Variants in MCM10 observed in about 807,000 individuals in gnomAD.
MCM10 encodes the protein minichromosome maintenance 10 replication initiation factor, also known as protein MCM10 homolog.
Under a neutral mutation model 109.9 loss-of-function variants are expected in MCM10, and 91 were observed. The ratio of observed to expected loss-of-function variants is 0.83; its 90% CI spans 0.70 to 0.99. The LOEUF (loss-of-function observed/expected upper bound fraction) is 0.99. Among genes scored for constraint, MCM10 ranks in the 50% least tolerant of loss-of-function variants. The pLI is 0.00. For synonymous variants in MCM10, 380 were observed against 387.2 expected (o/e 0.98, Z 0.22); for missense variants, 1,077 against 1,061.2 (o/e 1.01, Z -0.21).
chr10:13,192,115 C>A, intron 11 of MCM10, 140 bp from the exon 12 acceptor site: 1 of 602,884 alleles, frequency 1.7e-6, no homozygotes, highest in Admixed American at 3.0e-5. Flanking sequence ...GTTAAGGATT[C>A]TTTTCTTTCC....
At chr10:13,168,489 C>T (rs1370497889) in intron 2 of MCM10, among the ~76,000 whole-genome samples, 1 of 152,186 alleles carries the variant, frequency 6.6e-6, no homozygotes. Context: ...ACAAGCCCCT[C>T]ACCCTCTCAT....
chr10:13,180,583 G>A lies in MCM10; in HGVS notation c.906G>A (p.Lys302=). The change falls in exon 7 of 20, where the codon AAG becomes AAA. Residue 302 remains lysine, a synonymous_variant. Coordinates refer to ENST00000378714, the MANE Select transcript of MCM10 (RefSeq NM_018518.5). ...DWVTFGVILK[K]VTPQSVNSGK... ...TGACATTTGGGGTTATATTGAAGAA[G>A]GTTACGCCACAGAGTGTGAATAGTG... 1 of 1,614,124 alleles carries A rather than the reference G, an allele frequency of 6.2e-7. No homozygotes were observed. Among genetic ancestry groups the A allele is most frequent in the Non-Finnish European group, 8.5e-7 (1 of 1,180,024 alleles).
chr10:13,180,148 G>A (rs1834191452), intron 6 of MCM10, among the ~76,000 whole-genome samples: 1 of 152,082 alleles, frequency 6.6e-6, no homozygotes, highest in Non-Finnish European at 1.5e-5. Context: ...CTACTCAGGA[G>A]GCTGAGGCAG....
rs1313362819 is a variant in MCM10, at chr10:13,195,026, G to C, written c.1746-15G>C. 5 of 1,607,480 alleles carry C rather than the reference G, an allele frequency of 3.1e-6. No individual in the cohort carries two copies. Among genetic ancestry groups the C allele is most frequent in the East Asian group, 2.2e-5 (1 of 44,738 alleles). On this transcript the variant is annotated splice_polypyrimidine_tract_variant and intron_variant, in intron 13 of 19. Transcript: ENST00000378714. ...TAAACCCTGTTTGCGTATTTTGACT[G>C]TATGTTCTTTAAAGATTTCTGCAGA...
chr10:13,203,593 C>T (rs1384499395), intron 17 of MCM10, among the ~76,000 whole-genome samples: 2 of 152,120 alleles, frequency 1.3e-5, no homozygotes, highest in Non-Finnish European at 2.9e-5. Context: ...GTCCAAGTGT[C>T]GAGTTATTGA....
At chr10:13,202,202 TAAA>T (rs1490211714) in intron 17 of MCM10, among the ~76,000 whole-genome samples, 1 of 151,672 alleles carries the variant, frequency 6.6e-6, no homozygotes, top group Non-Finnish European at 1.5e-5. Flanking sequence ...CAACAAAAAA[TAAA>T]AAATTAGCCG....
intron 18 of MCM10, among the ~76,000 whole-genome samples, chr10:13,206,057 C>T (rs781260792): frequency 6.6e-6 from 1 of 152,202 alleles, no homozygotes; most frequent in Non-Finnish European, 1.5e-5. Flanking sequence ...CCTATCCCTT[C>T]GCACCATCCT....
intron 8 of MCM10, among the ~76,000 whole-genome samples, chr10:13,183,808 C>T (rs1358864094): frequency 6.6e-6 from 1 of 152,074 alleles, no homozygotes; most frequent in East Asian, 1.9e-4. Flanking sequence ...CTTCTGCCTC[C>T]TGAGTAGCTG....
intron 16 of MCM10, among the ~76,000 whole-genome samples, chr10:13,200,323 G>C (rs1254265347): frequency 6.6e-6 from 1 of 152,162 alleles, no homozygotes; most frequent in African/African-American, 2.4e-5. Context: ...CCTTGGTTGT[G>C]TCGGTGACTG....
At position 13,171,185 on chromosome 10, in the gene MCM10, C is replaced by T. The variant is rs746574568; in HGVS notation, c.271C>T (p.Pro91Ser). Reference sequence around the variant, plus strand: ...GGACTTAACAGATGAAGAAGAAGTTCCCGCATCACAGTCAACTGAAAATAG... The same window carrying T: ...GGACTTAACAGATGAAGAAGAAGTTTCCGCATCACAGTCAACTGAAAATAG... ...MEDLTDEEEV[P>S]ASQSTENRVL... is the part of the protein sequence containing the mutation. Residue 91 changes from proline to serine, a missense_variant, in exon 3 of 20, where the codon CCC becomes TCC. Transcript: ENST00000378714. 2.5e-6 allele frequency: 4 copies of T among 1,614,028 alleles called. No homozygotes were observed. Among genetic ancestry groups the T allele is most frequent in the Non-Finnish European group, 3.4e-6 (4 of 1,180,036 alleles).
Position 13,186,189 on chromosome 10 carries a change from A to G in MCM10, c.1124A>G (p.Gln375Arg). 2 of 1,612,396 alleles carry G rather than the reference A, an allele frequency of 1.2e-6. No homozygotes were observed. Among genetic ancestry groups the G allele is most frequent in the Non-Finnish European group, 1.7e-6 (2 of 1,178,708 alleles). Residue 375 changes from glutamine (Q) to arginine (R), a missense_variant, in exon 9 of 20, where the codon CAG (glutamine) becomes CGG (arginine). Coordinates refer to ENST00000378714, the MANE Select transcript of MCM10 (RefSeq NM_018518.5). The stretch of plus-strand genomic sequence containing the variant: ...GTGTGTTTATCTATCGATCATCCTC[A>G]GAAGGTCTTAATTATGGGTGAAGCT... The part of the protein sequence containing the change: ...EEVCLSIDHP[Q>R]KVLIMGEALD...
rs1366734882 is a variant in MCM10 at position 13,202,870 on chromosome 10, A to G, written c.2352+1336A>G. Among the ~76,000 whole-genome samples, 5 of 151,966 alleles carry G rather than the reference A, an allele frequency of 3.3e-5. 1 individual carries two copies. The highest frequency in any genetic ancestry group is 1.3e-4 in the Admixed American group (2 of 15,254). The stretch of plus-strand genomic sequence containing the variant: ...TTTATTTATTTATTTTTGGAGACAG[A>G]GTCTCACTCTGTCGCCCAGGTTGGA... On this transcript the variant is annotated intron_variant, in intron 17 of 19. Coordinates refer to ENST00000378714, the MANE Select transcript of MCM10 (RefSeq NM_018518.5).
chr10:13,205,112 A>G (rs923773915), intron 18 of MCM10, among the ~76,000 whole-genome samples: 53 of 149,672 alleles, frequency 3.5e-4, no homozygotes, highest in African/African-American at 1.2e-3. Context: ...AGTTTGTGTA[A>G]TAGTAAAGTC....
At chr10:13,202,435 G>A (rs1477068100) in intron 17 of MCM10, among the ~76,000 whole-genome samples, 1 of 152,194 alleles carries the variant, frequency 6.6e-6, no homozygotes, top group East Asian at 1.9e-4. Flanking sequence ...CACTATCCCT[G>A]TGTGGCAAAT....
Position 13,195,114 on chromosome 10 carries a change from C to A in MCM10, c.1819C>A (p.Pro607Thr), listed in dbSNP as rs1834398429. Residue 607 changes from proline (P) to threonine (T), a missense_variant, in exon 14 of 20, where the codon CCA becomes ACA. Coordinates refer to ENST00000378714, the MANE Select transcript of MCM10 (RefSeq NM_018518.5). The part of the protein sequence containing the change: ...SSSRQPPAQP[P>T]RTGSEFPRLE... ...ATCAAGACAGCCCCCTGCTCAGCCT[C>A]CACGGACAGGATCCGAGTTCCCCAG... 1 of 1,614,200 alleles carries A rather than the reference C, an allele frequency of 6.2e-7. No individual in the cohort carries two copies. The highest frequency in any genetic ancestry group is 1.7e-5 in the Admixed American group (1 of 60,022).
intron 17 of MCM10, among the ~76,000 whole-genome samples, chr10:13,203,661 C>T (rs1016738223): frequency 2.0e-5 from 3 of 152,180 alleles, no homozygotes; most frequent in South Asian, 2.1e-4. Flanking sequence ...TGTTTTGCTA[C>T]TCACCCACCC....
intron 5 of MCM10, among the ~76,000 whole-genome samples, chr10:13,174,217 A>C (rs1834112195): frequency 7.4e-6 from 1 of 134,714 alleles, no homozygotes; most frequent in South Asian, 2.3e-4. Context: ...ATCTGGGCTC[A>C]CTGCAACCTC....
Position 13,182,211 on chromosome 10 carries a change from C to T in MCM10, c.931-722C>T, listed in dbSNP as rs565899063. On this transcript the variant is annotated intron_variant, in intron 7 of 19. Transcript: ENST00000378714. The surrounding 1 kb of genome is among the most constrained non-coding windows in gnomAD (Gnocchi z 4.2). ...GACTTAGGCTAGGCTTGGTGGCTCA[C>T]GTCTGTAACCCTAACGCTTTGAGAG... 7.2e-5 allele frequency among the ~76,000 whole-genome samples: 11 copies of T among 152,142 alleles called. No homozygotes were observed. In the South Asian group the frequency reaches 1.5e-3, roughly 20 times the overall value.
intron 3 of MCM10, among the ~76,000 whole-genome samples, chr10:13,171,631 C>A (rs183604599): frequency 1.4e-3 from 218 of 152,336 alleles, no homozygotes; most frequent in African/African-American, 4.8e-3. Context: ...GAAGCTTTGA[C>A]ACATGTTCTT....
Sources: allele counts gnomAD v4.1 joint callset (sites outside exome capture counted in the v4.1 genomes callset), GRCh38; gene constraint gnomAD v4.1.1; non-coding constraint Gnocchi (gnomAD v3.1); transcripts MANE v1.5; gene names NCBI Gene and HGNC (gene_info 2026-07-23, HGNC 2026-07-21).